The following TGS1 variants were observed in gnomAD, a reference collection of about 807,000 sequenced individuals.
The protein encoded by TGS1 is trimethylguanosine synthase.
In TGS1, 69 loss-of-function variants were observed where a neutral mutation model predicts 92.2. The observed-to-expected ratio is 0.75, with a 90% CI of 0.62 to 0.91. The LOEUF is 0.91. Among genes scored for constraint, TGS1 ranks in the 40% least tolerant of loss-of-function variants. The pLI is 0.00. For missense variants in TGS1, 1,062 were observed against 1,001.2 expected (o/e 1.06, Z -0.82); for synonymous variants, 345 against 338.1 (o/e 1.02, Z -0.22).
chr8:55,786,567 A>G lies in TGS1; in HGVS notation c.669A>G (p.Leu223=), dbSNP rs189634879. 20 of 1,614,230 alleles carry G rather than the reference A, an allele frequency of 1.2e-5. No homozygotes were observed. The Admixed American group carries it at 1.3e-4, about 11-fold the overall frequency. ...AAGAAAAACATCCGGGTCAAGCACT[A>G]TCTTCTGAACCTTGGAACTTTCCTG... ...SWQEKHPGQA[L]SSEPWNFPDT... is the part of the protein sequence containing the mutation. The change falls in exon 4 of 13, where the codon CTA becomes CTG. Residue 223 remains leucine (L), a synonymous_variant. Coordinates refer to ENST00000260129, the MANE Select transcript of TGS1 (RefSeq NM_024831.8).
intron 2 of TGS1, among the ~76,000 whole-genome samples, chr8:55,785,061 T>A (rs916348637): frequency 2.0e-5 from 3 of 150,056 alleles, no homozygotes; most frequent in African/African-American, 7.5e-5. Flanking sequence ...GTTTTTTGTT[T>A]TTTGTTTTTT....
chr8:55,806,804 A>T (rs989829231), intron 10 of TGS1, among the ~76,000 whole-genome samples: 7 of 152,238 alleles, frequency 4.6e-5, no homozygotes, highest in African/African-American at 1.7e-4. Flanking sequence ...CCAAGGTCAT[A>T]GTATTTTATA....
In TGS1 at chr8:55,790,176, C is replaced by G; in HGVS notation, c.1163-6C>G. ...AAAAGCTACTGCAATATTTCTGCCTCTTTAGATTCACAGAAGTCTTCAGGA... is the reference window on the plus strand; with the variant it reads ...AAAAGCTACTGCAATATTTCTGCCTGTTTAGATTCACAGAAGTCTTCAGGA... On this transcript the variant is annotated splice_polypyrimidine_tract_variant and splice_region_variant and intron_variant, in intron 4 of 12. Coordinates refer to ENST00000260129, the MANE Select transcript of TGS1 (RefSeq NM_024831.8). 6.2e-7 allele frequency: 1 copy of G among 1,609,076 alleles called. No homozygotes were observed. Among genetic ancestry groups the G allele is most frequent in the South Asian group, 1.1e-5 (1 of 90,734 alleles).
chr8:55,785,071 T>C (rs918273307), intron 2 of TGS1, among the ~76,000 whole-genome samples: 5 of 150,558 alleles, frequency 3.3e-5, no homozygotes, highest in African/African-American at 1.2e-4. Context: ...TTTTGTTTTT[T>C]GTTTTTTTTT....
chr8:55,812,836 T>A (rs575787982), intron 11 of TGS1, among the ~76,000 whole-genome samples: 1 of 152,346 alleles, frequency 6.6e-6, no homozygotes, highest in South Asian at 2.1e-4. Flanking sequence ...TCGATTCAAC[T>A]GTCAGTCTTT....
intron 1 of TGS1, among the ~76,000 whole-genome samples, chr8:55,777,289 GTTT>G (rs35331898): frequency 7.0e-6 from 1 of 142,996 alleles, no homozygotes; most frequent in African/African-American, 2.6e-5. Flanking sequence ...GATTACAGGT[GTTT>G]TTTTTTTTTT....
At chr8:55,819,806 A>C (rs1197456103) in intron 12 of TGS1, among the ~76,000 whole-genome samples, 2 of 152,222 alleles carry the variant, frequency 1.3e-5, no homozygotes, top group Non-Finnish European at 2.9e-5. Context: ...GAGAACTTTT[A>C]ATTACCAGAA....
chr8:55,817,085 G>A lies in TGS1; in HGVS notation c.2439+3967G>A, dbSNP rs578199528. On this transcript the variant is annotated intron_variant, in intron 12 of 12. Coordinates refer to ENST00000260129, the MANE Select transcript of TGS1 (RefSeq NM_024831.8). Reference sequence around the variant, plus strand: ...TCACCACGTTGGCCAGGATGGTCTCGATCTCTTGACCTCGTGATCTGCCCG... The same window carrying A: ...TCACCACGTTGGCCAGGATGGTCTCAATCTCTTGACCTCGTGATCTGCCCG... Among the ~76,000 whole-genome samples the A allele has an allele frequency of 2.4e-4, 36 of 152,132 alleles. No individual in the cohort carries two copies. The South Asian group carries it at 7.3e-3, about 31-fold the overall frequency.
At chr8:55,801,287 T>G (rs546373569) in intron 8 of TGS1, among the ~76,000 whole-genome samples, 2 of 152,340 alleles carry the variant, frequency 1.3e-5, no homozygotes, top group Admixed American at 6.5e-5. Flanking sequence ...TTCTTTATTT[T>G]TTAGACAGAG....
At chr8:55,793,688 C>A (rs1217328546) in intron 6 of TGS1, among the ~76,000 whole-genome samples, 2 of 152,006 alleles carry the variant, frequency 1.3e-5, no homozygotes, top group Non-Finnish European at 2.9e-5. Context: ...CTGCCTCAGC[C>A]CCCCAAGTAG....
chr8:55,795,376 A>ATAT (rs1812008366), intron 6 of TGS1, among the ~76,000 whole-genome samples: 1 of 152,194 alleles, frequency 6.6e-6, no homozygotes, highest in Non-Finnish European at 1.5e-5. Context: ...TATAAATGCT[A>ATAT]AAGTGTACGT....
chr8:55,801,982 C>T (rs1367491874), intron 8 of TGS1, among the ~76,000 whole-genome samples: 3 of 152,114 alleles, frequency 2.0e-5, no homozygotes, highest in Non-Finnish European at 2.9e-5. Flanking sequence ...ATCACAAGCT[C>T]GGGAGATCAA....
At chr8:55,821,486 A>T (rs1015761373) in intron 12 of TGS1, among the ~76,000 whole-genome samples, 52 of 152,174 alleles carry the variant, frequency 3.4e-4, no homozygotes, top group Admixed American at 2.1e-3. Flanking sequence ...ACCCACATCT[A>T]GACAACCCTC....
Position 55,785,732 on chromosome 8 carries a change from A to G in TGS1, c.180A>G (p.Thr60=), listed in dbSNP as rs1811688880. ...TGGTGTCTATAGGAGACCAGGCGAC[A>G]GAAGAAGAGGAAGGTGGTTATTCCT... ...DSGNNSGDQA[T]EEEEGGYSCG... Residue 60 remains threonine (T), a synonymous_variant, in exon 3 of 13, where the codon ACA becomes ACG. Transcript: ENST00000260129. 6.2e-7 allele frequency: 1 copy of G among 1,607,228 alleles called. No individual in the cohort carries two copies. Among genetic ancestry groups the G allele is most frequent in the Admixed American group, 1.7e-5 (1 of 58,302 alleles).
In TGS1 at chr8:55,799,157, G is replaced by A. The variant is rs768867285; in HGVS notation, c.1786G>A (p.Val596Ile). The change falls in exon 8 of 13, where the codon GTT becomes ATT. Residue 596 changes from valine to isoleucine, a missense_variant. By Grantham distance (29) the Val-to-Ile change is conservative (BLOSUM62 3). Transcript: ENST00000260129. The part of the protein sequence containing the change: ...NYERDSLLAT[V>I]PDEQDCVTQE... ...TGAAAGAGACAGCTTGCTAGCAACT[G>A]TTCCAGATGAGCAGGATTGTGTTAC... 10 of 1,614,050 alleles carry A rather than the reference G, an allele frequency of 6.2e-6. No individual in the cohort carries two copies. The Admixed American group carries it at 8.3e-5, about 13-fold the overall frequency.
intron 12 of TGS1, among the ~76,000 whole-genome samples, chr8:55,824,110 T>C (rs1803727996): frequency 1.3e-5 from 2 of 152,044 alleles, no homozygotes; most frequent in Non-Finnish European, 2.9e-5. Context: ...AGTAGGACTC[T>C]ATCTCAAAAA....
intron 2 of TGS1, among the ~76,000 whole-genome samples, chr8:55,784,171 T>G (rs904580700): frequency 6.6e-6 from 1 of 152,212 alleles, no homozygotes; most frequent in Non-Finnish European, 1.5e-5. Flanking sequence ...TAAAATGATT[T>G]TTTGTTATCT....
At chr8:55,775,953 C>T (rs1465184471) in intron 1 of TGS1, among the ~76,000 whole-genome samples, 5 of 152,076 alleles carry the variant, frequency 3.3e-5, no homozygotes, top group African/African-American at 1.2e-4. Context: ...AAATATCAAG[C>T]AAAATGAGGA....
Position 55,794,259 on chromosome 8 carries a change from T to C in TGS1, c.1367+1475T>C, listed in dbSNP as rs984022956. 5.3e-5 allele frequency among the ~76,000 whole-genome samples: 8 copies of C among 152,078 alleles called. 1 individual carries two copies. Among genetic ancestry groups the C allele is most frequent in the African/African-American group, 1.9e-4 (8 of 41,392 alleles). ...TTCATGGAGATGGGGTCTTGCTATG[T>C]TACCCAGGCTGGTCTTAAACTCTTG... On this transcript the variant is annotated intron_variant, in intron 6 of 12. Coordinates refer to ENST00000260129, the MANE Select transcript of TGS1 (RefSeq NM_024831.8).
Sources: gnomAD v4.1 joint callset for allele counts (sites outside exome capture counted in the v4.1 genomes callset) on GRCh38, gnomAD v4.1.1 for gene constraint, MANE v1.5 for transcripts, NCBI Gene and HGNC (gene_info 2026-07-23, HGNC 2026-07-21) for gene names.